SNTG1: variants seen among roughly 807,000 people sequenced by gnomAD.
SNTG1 encodes gamma-1-syntrophin.
SNTG1 carries 39 observed loss-of-function variants against 74.7 expected under a neutral mutation model. That is an observed-to-expected ratio of 0.52 (90% confidence interval 0.40 to 0.68). The LOEUF (loss-of-function observed/expected upper bound fraction) is 0.68. Ranked by LOEUF, SNTG1 falls within the 30% of genes least tolerant of loss-of-function variation. The pLI is 0.00. For synonymous variants in SNTG1, 254 were observed against 217.1 expected (o/e 1.17, Z -1.49); for missense variants, 685 against 609.5 (o/e 1.12, Z -1.30).
intron 2 of SNTG1, among the ~76,000 whole-genome samples, chr8:50,219,556 T>G (rs369226460): frequency 2.0e-5 from 3 of 152,212 alleles, no homozygotes; most frequent in East Asian, 3.9e-4. Context: ...CTCAGGAAAC[T>G]TACAATCATA....
At chr8:50,754,961 C>A (rs775753240) in intron 18 of SNTG1, among the ~76,000 whole-genome samples, 2 of 151,596 alleles carry the variant, frequency 1.3e-5, no homozygotes, top group African/African-American at 2.4e-5. Context: ...TTTTTCAGAG[C>A]AGTTTTCAGT....
chr8:50,335,817 ATT>A (rs2091121545), intron 2 of SNTG1, among the ~76,000 whole-genome samples: 1 of 141,380 alleles, frequency 7.1e-6, no homozygotes, highest in Non-Finnish European at 1.5e-5. Context: ...TTTATGTTTT[ATT>A]ATTTTATTTT....
intron 13 of SNTG1, among the ~76,000 whole-genome samples, chr8:50,645,913 G>C (rs2095106361): frequency 6.6e-6 from 1 of 151,920 alleles, no homozygotes; most frequent in South Asian, 2.1e-4. Context: ...GTCTCGGAGG[G>C]GATGCACATC....
chr8:50,683,462 T>C (rs1234185792), intron 15 of SNTG1, among the ~76,000 whole-genome samples: 1 of 152,202 alleles, frequency 6.6e-6, no homozygotes, highest in Admixed American at 6.5e-5. Flanking sequence ...TGAGCACTAA[T>C]TGAACAGTTT....
chr8:50,204,179 C>T (rs769649480), intron 2 of SNTG1, among the ~76,000 whole-genome samples: 6 of 152,080 alleles, frequency 3.9e-5, no homozygotes, highest in Admixed American at 1.3e-4. Context: ...TACAGCCCTC[C>T]GAAGATATGT....
At chr8:50,515,209 A>C (rs2094120909) in intron 9 of SNTG1, among the ~76,000 whole-genome samples, 1 of 151,988 alleles carries the variant, frequency 6.6e-6, no homozygotes, top group Admixed American at 6.5e-5. Flanking sequence ...TATAGCAATA[A>C]AACAAGACAC....
intron 12 of SNTG1, among the ~76,000 whole-genome samples, chr8:50,588,196 G>A (rs1442572512): frequency 6.6e-6 from 1 of 151,818 alleles, no homozygotes; most frequent in South Asian, 2.1e-4. Context: ...TAAAATGTTA[G>A]TATAAGTACT....
intron 4 of SNTG1, among the ~76,000 whole-genome samples, chr8:50,429,272 G>A (rs1485261615): frequency 6.6e-6 from 1 of 151,972 alleles, no homozygotes. Context: ...ATCTAAGGTG[G>A]TACTGGCATA....
chr8:50,032,584 A>T (rs1195155745), intron 1 of SNTG1, among the ~76,000 whole-genome samples: 2 of 152,010 alleles, frequency 1.3e-5, no homozygotes, highest in Non-Finnish European at 2.9e-5. Context: ...CAAGTCACTG[A>T]CTTCTCCAGT....
At position 50,113,816 on chromosome 8, in the gene SNTG1, T is replaced by G. The variant is rs559306714; in HGVS notation, c.-102-58745T>G. 2.6e-5 allele frequency among the ~76,000 whole-genome samples: 4 copies of G among 152,172 alleles called. No individual in the cohort carries two copies. The South Asian group carries it at 6.2e-4, about 24-fold the overall frequency. On this transcript the variant is annotated intron_variant, in intron 1 of 18. Transcript: ENST00000642720. ...GAAGGACTGTTGAATTTTAAATGAT[T>G]AGTTAATGGGTGCAGCACACCAACA...
intron 8 of SNTG1, among the ~76,000 whole-genome samples, chr8:50,500,566 T>C (rs2093942772): frequency 6.6e-6 from 1 of 152,154 alleles, no homozygotes; most frequent in Non-Finnish European, 1.5e-5. Context: ...CCTTTAAAAT[T>C]GTGATTTTTC....
chr8:50,531,840 G>T (rs1478782842), intron 10 of SNTG1, among the ~76,000 whole-genome samples: 1 of 152,158 alleles, frequency 6.6e-6, no homozygotes, highest in Non-Finnish European at 1.5e-5. Flanking sequence ...TTTTGTTCTA[G>T]GTCTTGCCTC....
At chr8:50,458,542 G>A (rs763547588) in intron 8 of SNTG1, among the ~76,000 whole-genome samples, 9 of 151,708 alleles carry the variant, frequency 5.9e-5, no homozygotes, top group Non-Finnish European at 1.0e-4. Context: ...GAAATAAAAG[G>A]AGCATCCATT....
At chr8:50,386,167 A>G (rs1377073197) in intron 2 of SNTG1, among the ~76,000 whole-genome samples, 2 of 152,102 alleles carry the variant, frequency 1.3e-5, no homozygotes, top group Non-Finnish European at 2.9e-5. Context: ...TTCTAATTAC[A>G]CACTCAGAAC....
intron 13 of SNTG1, among the ~76,000 whole-genome samples, chr8:50,609,183 C>T (rs1051330823): frequency 2.0e-5 from 3 of 151,988 alleles, no homozygotes; most frequent in Non-Finnish European, 4.4e-5. Flanking sequence ...CATTAGTTTT[C>T]GTTTCTCACA....
chr8:50,291,951 T>C (rs567672397), intron 2 of SNTG1, among the ~76,000 whole-genome samples: 5 of 152,064 alleles, frequency 3.3e-5, no homozygotes, highest in African/African-American at 2.4e-5. Context: ...TTTATTGAAA[T>C]GGAGGGAAGT....
intron 1 of SNTG1, among the ~76,000 whole-genome samples, chr8:50,162,148 G>C (rs559984311): frequency 8.3e-4 from 127 of 152,254 alleles, no homozygotes; most frequent in African/African-American, 3.0e-3. Context: ...AATTGAGATA[G>C]AATTAGTCAC....
At chr8:50,041,780 A>C (rs1818662815) in intron 1 of SNTG1, among the ~76,000 whole-genome samples, 1 of 151,980 alleles carries the variant, frequency 6.6e-6, no homozygotes, top group Non-Finnish European at 1.5e-5. Context: ...TCTAATCTAG[A>C]CTCTATGAAT....
At chr8:50,205,487 G>A (rs941843664) in intron 2 of SNTG1, among the ~76,000 whole-genome samples, 2 of 152,060 alleles carry the variant, frequency 1.3e-5, no homozygotes, top group Admixed American at 1.3e-4. Context: ...TTGTCAGATG[G>A]GTAGATTGCA....
Sources: allele counts gnomAD v4.1 joint callset (sites outside exome capture counted in the v4.1 genomes callset), GRCh38; gene constraint gnomAD v4.1.1; transcripts MANE v1.5; gene names NCBI Gene and HGNC (gene_info 2026-07-23, HGNC 2026-07-21).